The following FRAS1 variants were observed in gnomAD, a reference collection of about 807,000 sequenced individuals.
FRAS1 encodes Fraser extracellular matrix complex subunit 1, also known as extracellular matrix organizing protein FRAS1.
In FRAS1, 290 loss-of-function variants were observed where a neutral mutation model predicts 435.2. The observed-to-expected ratio is 0.67, with a 90% CI of 0.61 to 0.73. The LOEUF is 0.73. Among genes scored for constraint, FRAS1 ranks in the 30% least tolerant of loss-of-function variants. The pLI is 0.00. For missense variants in FRAS1, 4,860 were observed against 5,001.5 expected (o/e 0.97, Z 0.85); for synonymous variants, 1,800 against 1,851.0 (o/e 0.97, Z 0.71).
intron 38 of FRAS1, among the ~76,000 whole-genome samples, chr4:78,438,214 T>C (rs951750548): frequency 1.3e-5 from 2 of 152,162 alleles, no homozygotes; most frequent in African/African-American, 4.8e-5. Flanking sequence ...GTTGATGACT[T>C]ATAGATGATC....
chr4:78,335,505 T>C (rs1730136429), intron 19 of FRAS1, among the ~76,000 whole-genome samples: 1 of 152,158 alleles, frequency 6.6e-6, no homozygotes, highest in Non-Finnish European at 1.5e-5. Flanking sequence ...ATTCTGTTGG[T>C]CAAAGCAAGA....
At chr4:78,287,297 C>A (rs2110188567) in intron 14 of FRAS1, among the ~76,000 whole-genome samples, 1 of 152,272 alleles carries the variant, frequency 6.6e-6, no homozygotes, top group East Asian at 1.9e-4. Context: ...CCTCCCTCGA[C>A]ACGTGGGGAT....
chr4:78,094,355 G>A (rs1338958483), intron 2 of FRAS1, among the ~76,000 whole-genome samples: 4 of 151,912 alleles, frequency 2.6e-5, no homozygotes, highest in African/African-American at 4.8e-5. Flanking sequence ...GAGGCAAACT[G>A]AATTAAAGTC....
chr4:78,221,281 G>A (rs907550585), intron 2 of FRAS1, among the ~76,000 whole-genome samples: 3 of 152,232 alleles, frequency 2.0e-5, no homozygotes, highest in Non-Finnish European at 4.4e-5. Context: ...CATTAGTATT[G>A]TAAGATTTTT....
chr4:78,113,665 T>C (rs536839410), intron 2 of FRAS1, among the ~76,000 whole-genome samples: 2 of 152,236 alleles, frequency 1.3e-5, no homozygotes, highest in Admixed American at 1.3e-4. Flanking sequence ...GCCCACTTGT[T>C]GATGGGGTTG....
chr4:78,252,288 C>A, intron 4 of FRAS1, 104 bp from the exon 5 acceptor site: 1 of 1,150,178 alleles, frequency 8.7e-7, no homozygotes, highest in Non-Finnish European at 1.3e-6. Flanking sequence ...TTTCCCTGAG[C>A]TCCATCCTTA....
rs1416611312 is a variant in FRAS1, at chr4:78,464,488, C to G, written c.6934C>G (p.Leu2312Val). ...CACTCTTCACCCTGTCGATGATTCGCTGCCCGTCGTACAGAACTTAGGAAT... is the reference window on the plus strand; with the variant it reads ...CACTCTTCACCCTGTCGATGATTCGGTGCCCGTCGTACAGAACTTAGGAAT... ...HITLHPVDDS[L>V]PVVQNLGMRV... The change falls in exon 49 of 74, where the codon CTG becomes GTG. Residue 2312 changes from leucine to valine, a missense_variant. By Grantham distance (32) the Leu-to-Val change is conservative. Transcript: ENST00000512123. 2 of 1,614,018 alleles carry G rather than the reference C, an allele frequency of 1.2e-6. No homozygotes were observed. The highest frequency in any genetic ancestry group is 3.3e-5 in the Admixed American group (2 of 60,026).
chr4:78,196,892 G>A (rs1016277346), intron 2 of FRAS1, among the ~76,000 whole-genome samples: 5 of 152,096 alleles, frequency 3.3e-5, no homozygotes, highest in African/African-American at 4.8e-5. Context: ...CATAAGTGCC[G>A]TTGTTTATAG....
Position 78,116,044 on chromosome 4 carries a change from G to A in FRAS1, c.108+50028G>A, listed in dbSNP as rs1197991102. 2.0e-5 allele frequency among the ~76,000 whole-genome samples: 3 copies of A among 152,064 alleles called. No homozygotes were observed. In the East Asian group the frequency reaches 5.8e-4, roughly 29 times the overall value. ...GGTATGTTGTGTCTTTGTTCTCATTGGTTTCAAAGAACATCTTTATTTCTG... is the reference window on the plus strand; with the variant it reads ...GGTATGTTGTGTCTTTGTTCTCATTAGTTTCAAAGAACATCTTTATTTCTG... On this transcript the variant is annotated intron_variant, in intron 2 of 73. Transcript: ENST00000512123.
chr4:78,240,786 A>G (rs1027697415), intron 3 of FRAS1, among the ~76,000 whole-genome samples: 1 of 152,202 alleles, frequency 6.6e-6, no homozygotes, highest in Non-Finnish European at 1.5e-5. Context: ...TGGGGAGCAC[A>G]GTCATTTAAG....
intron 20 of FRAS1, among the ~76,000 whole-genome samples, chr4:78,356,729 A>G (rs184375528): frequency 1.3e-5 from 2 of 152,214 alleles, no homozygotes; most frequent in African/African-American, 4.8e-5. Context: ...GAGCTGTTGT[A>G]TGTCAGAGTT....
At chr4:78,444,485 G>T (rs1400129354) in intron 41 of FRAS1, among the ~76,000 whole-genome samples, 1 of 152,136 alleles carries the variant, frequency 6.6e-6, no homozygotes, top group Non-Finnish European at 1.5e-5. Flanking sequence ...TTTTGGATCT[G>T]ATTTTTGCAA....
At chr4:78,297,394 A>G (rs1013100584) in intron 14 of FRAS1, among the ~76,000 whole-genome samples, 1 of 152,206 alleles carries the variant, frequency 6.6e-6, no homozygotes, top group African/African-American at 2.4e-5. Flanking sequence ...AGGTGCTTAC[A>G]CGAAGTGCTT....
chr4:78,176,116 A>G (rs1721769733), intron 2 of FRAS1, among the ~76,000 whole-genome samples: 1 of 152,216 alleles, frequency 6.6e-6, no homozygotes, highest in Non-Finnish European at 1.5e-5. Flanking sequence ...GTAGTTGGTT[A>G]TACCCTGGTT....
At chr4:78,205,821 G>A (rs1723231011) in intron 2 of FRAS1, among the ~76,000 whole-genome samples, 2 of 152,010 alleles carry the variant, frequency 1.3e-5, no homozygotes, top group South Asian at 2.1e-4. Flanking sequence ...CTACATCACC[G>A]CAGTCTGGCC....
In FRAS1 at chr4:78,472,165, G is replaced by A. The variant is rs1282679272; in HGVS notation, c.7372-15G>A. ...TCCCACCTCAGGAATTAAATTAAAT[G>A]GGTTTCTATTCTAGGCAACCAACCT... On this transcript the variant is annotated splice_polypyrimidine_tract_variant and intron_variant, in intron 51 of 73. Transcript: ENST00000512123. 10 of 1,612,840 alleles carry A rather than the reference G, an allele frequency of 6.2e-6. No individual in the cohort carries two copies. The Admixed American group carries it at 1.5e-4, about 24-fold the overall frequency.
At chr4:78,433,612 G>A (rs1734295995) in intron 38 of FRAS1, among the ~76,000 whole-genome samples, 1 of 152,144 alleles carries the variant, frequency 6.6e-6, no homozygotes, top group Non-Finnish European at 1.5e-5. Flanking sequence ...CTTCAGTTAT[G>A]GGAGACTGCA....
At chr4:78,321,218 G>A (rs79400324) in intron 18 of FRAS1, among the ~76,000 whole-genome samples, 4,359 of 152,290 alleles carry the variant, frequency 0.029, 216 homozygotes, top group African/African-American at 0.096. Context: ...CTCAATGCCA[G>A]CCTTATGGGG....
chr4:78,081,093 T>A (rs1410430132), intron 2 of FRAS1, among the ~76,000 whole-genome samples: 1 of 152,128 alleles, frequency 6.6e-6, no homozygotes, highest in African/African-American at 2.4e-5. Flanking sequence ...AATTCAGACA[T>A]CTAAGGTCAT....
Sources: allele counts gnomAD v4.1 joint callset (sites outside exome capture counted in the v4.1 genomes callset), GRCh38; gene constraint gnomAD v4.1.1; transcripts MANE v1.5; gene names NCBI Gene and HGNC (gene_info 2026-07-23, HGNC 2026-07-21).